The following SLC35F4 variants were observed in gnomAD, a reference collection of about 807,000 sequenced individuals.
SLC35F4 encodes solute carrier family 35 member F4, also known as chromosome 14 open reading frame 36.
SLC35F4 carries 24 observed loss-of-function variants against 44.2 expected under a neutral mutation model. The observed-to-expected ratio is 0.54, with a 90% CI of 0.39 to 0.76. SLC35F4 has a LOEUF of 0.76. Ranked by LOEUF, SLC35F4 falls within the 30% of genes least tolerant of loss-of-function variation. SLC35F4 has a pLI of 0.00. For missense variants in SLC35F4, 562 were observed against 586.1 expected (o/e 0.96, Z 0.42); for synonymous variants, 238 against 223.6 (o/e 1.06, Z -0.57).
At chr14:57,620,839 T>G (rs947112047) in intron 1 of SLC35F4, among the ~76,000 whole-genome samples, 1 of 152,088 alleles carries the variant, frequency 6.6e-6, no homozygotes, top group Non-Finnish European at 1.5e-5. Flanking sequence ...GAGAAGGAAA[T>G]AAAGGGTATT....
At chr14:57,893,136 G>T (rs1303355202) in intron 1 of SLC35F4, among the ~76,000 whole-genome samples, 1 of 152,092 alleles carries the variant, frequency 6.6e-6, no homozygotes, top group Non-Finnish European at 1.5e-5. Context: ...GAAGCTCTAT[G>T]GAAGGCCAAC....
chr14:57,627,318 T>G (rs2140115569), intron 1 of SLC35F4, among the ~76,000 whole-genome samples: 1 of 152,266 alleles, frequency 6.6e-6, no homozygotes, highest in African/African-American at 2.4e-5. Flanking sequence ...TAAATATATT[T>G]AGAGTAGAGA....
intron 1 of SLC35F4, among the ~76,000 whole-genome samples, chr14:57,923,885 C>T (rs1238350355): frequency 1.3e-5 from 2 of 152,218 alleles, no homozygotes; most frequent in Non-Finnish European, 2.9e-5. Flanking sequence ...TGTGTCCCCA[C>T]CCAAATCTTA....
intron 1 of SLC35F4, among the ~76,000 whole-genome samples, chr14:57,941,033 A>G (rs1479622464): frequency 6.6e-6 from 1 of 152,214 alleles, no homozygotes; most frequent in Admixed American, 6.5e-5. Flanking sequence ...TGTGGAAAAT[A>G]ACAAGAAAAA....
intron 1 of SLC35F4, among the ~76,000 whole-genome samples, chr14:57,691,010 C>T (rs964431): frequency 0.15 from 22,451 of 152,120 alleles, 1,880 homozygotes; most frequent in East Asian, 0.29. Context: ...ACCATGGTAT[C>T]GGTTTGTGGC....
intron 1 of SLC35F4, among the ~76,000 whole-genome samples, chr14:57,669,385 G>A (rs2074432019): frequency 6.6e-6 from 1 of 152,088 alleles, no homozygotes; most frequent in Non-Finnish European, 1.5e-5. Context: ...GGAGTGGTGA[G>A]AGAGGGCATC....
intron 1 of SLC35F4, among the ~76,000 whole-genome samples, chr14:57,874,151 A>G (rs1028745039): frequency 2.0e-5 from 3 of 152,170 alleles, no homozygotes; most frequent in Non-Finnish European, 4.4e-5. Context: ...TCATCTGACT[A>G]CTACTACTCC....
At chr14:57,767,844 T>C (rs1277622785) in intron 1 of SLC35F4, among the ~76,000 whole-genome samples, 3 of 152,030 alleles carry the variant, frequency 2.0e-5, no homozygotes, top group Admixed American at 2.0e-4. Flanking sequence ...TAAAAATCCT[T>C]CAGCCATTAA....
chr14:57,593,884 CT>C (rs759950597), intron 2 of SLC35F4, 54 bp downstream of exon 2: 20 of 1,572,718 alleles, frequency 1.3e-5, no homozygotes, highest in Non-Finnish European at 1.7e-5. Flanking sequence ...CGAGATCTTT[CT>C]ATTTAGAAGC....
rs2139645050 is a variant in SLC35F4 at position 57,564,109 on chromosome 14, C to T, written c.*26G>A. 1 of 1,610,822 alleles carries T rather than the reference C, an allele frequency of 6.2e-7. No individual in the cohort carries two copies. Among genetic ancestry groups the T allele is most frequent in the South Asian group, 1.1e-5 (1 of 90,916 alleles). Reference sequence around the variant, plus strand: ...TTGTTATATTCACAGAATATACATACACGTGCATTCAAAATATGTCCCTCT... The same window carrying T: ...TTGTTATATTCACAGAATATACATATACGTGCATTCAAAATATGTCCCTCT... On this transcript the variant is annotated 3_prime_UTR_variant, in exon 8 of 8. Transcript: ENST00000556826.
intron 4 of SLC35F4, among the ~76,000 whole-genome samples, chr14:57,572,577 G>A (rs2068571003): frequency 6.6e-6 from 1 of 152,196 alleles, no homozygotes; most frequent in African/African-American, 2.4e-5. Context: ...GTATAAAGGA[G>A]CAAGCTGAGT....
intron 1 of SLC35F4, among the ~76,000 whole-genome samples, chr14:57,664,115 T>C: frequency 6.6e-6 from 1 of 152,170 alleles, no homozygotes. Flanking sequence ...CAATTCAGTG[T>C]TGCCTACCAC....
intron 1 of SLC35F4, among the ~76,000 whole-genome samples, chr14:57,781,515 A>C (rs911828859): frequency 1.3e-5 from 2 of 152,180 alleles, no homozygotes; most frequent in African/African-American, 4.8e-5. Flanking sequence ...TGATTCCTCA[A>C]AGAGCTAAAA....
At position 57,864,839 on chromosome 14, in the gene SLC35F4, G is replaced by A. The variant is rs1169809588; in HGVS notation, c.103+884C>T. On this transcript the variant is annotated intron_variant, in intron 1 of 7. Transcript: ENST00000556826. ...CCTCCAATTCGAAGAAAAATGAGCT[G>A]CACTTCAGTCGCCAGTAGAACTAAT... 2.0e-5 allele frequency among the ~76,000 whole-genome samples: 3 copies of A among 152,212 alleles called. 1 individual carries two copies. Among genetic ancestry groups the A allele is most frequent in the Admixed American group, 2.0e-4 (3 of 15,286 alleles).
At chr14:57,952,676 G>A (rs1020959544) in intron 1 of SLC35F4, among the ~76,000 whole-genome samples, 1 of 151,708 alleles carries the variant, frequency 6.6e-6, no homozygotes, top group Non-Finnish European at 1.5e-5. Context: ...GCAAGCAGAA[G>A]AAAGGATATC....
At chr14:57,949,055 G>A (rs751128302) in intron 1 of SLC35F4, among the ~76,000 whole-genome samples, 3 of 152,004 alleles carry the variant, frequency 2.0e-5, no homozygotes, top group Non-Finnish European at 4.4e-5. Flanking sequence ...TTTTTCCAGG[G>A]TATAGTTTAT....
chr14:57,865,014 G>A (rs112890603), intron 1 of SLC35F4, among the ~76,000 whole-genome samples: 5,215 of 151,788 alleles, frequency 0.034, 314 homozygotes, highest in African/African-American at 0.12. Context: ...CGGTGACCGC[G>A]ACGTGCGGCG....
rs1480301135 is a variant in SLC35F4, at chr14:57,964,992, AT to A, written n.282+16920del. On this transcript the variant is annotated intron_variant and non_coding_transcript_variant, in intron 1 of 1. Transcript: ENST00000556568. ...CATGGGGGAAAAAAAAAAAAAAAAA[AT>A]ATATATATATATATATATAGTTTCA... Among the ~76,000 whole-genome samples, 928 of 113,006 alleles carry A rather than the reference AT, an allele frequency of 8.2e-3. 3 individuals carry two copies. The highest frequency in any genetic ancestry group is 0.017 in the African/African-American group (513 of 29,462). 74.1% of individuals were successfully genotyped at this position (113,006 alleles called of 152,430 possible).
intron 1 of SLC35F4, among the ~76,000 whole-genome samples, chr14:57,888,259 T>C (rs552771307): frequency 1.6e-4 from 25 of 152,312 alleles, no homozygotes; most frequent in Non-Finnish European, 3.4e-4. Flanking sequence ...GAAGCAAATA[T>C]AAGTTTGCAG....
Sources: allele counts gnomAD v4.1 joint callset (sites outside exome capture counted in the v4.1 genomes callset), GRCh38; gene constraint gnomAD v4.1.1; transcripts MANE v1.5; gene names NCBI Gene and HGNC (gene_info 2026-07-23, HGNC 2026-07-21).